PRIMA1: variants seen among roughly 807,000 people sequenced by gnomAD.
The protein encoded by PRIMA1 is proline-rich membrane anchor 1.
PRIMA1 carries 7 observed loss-of-function variants against 17.5 expected under a neutral mutation model. The observed-to-expected ratio is 0.40, with a 90% CI of 0.23 to 0.75. PRIMA1 has a LOEUF of 0.75. Ranked by LOEUF, PRIMA1 falls within the 30% of genes least tolerant of loss-of-function variation. The pLI is 0.37. For missense variants in PRIMA1, 200 were observed against 201.8 expected (o/e 0.99, Z 0.05); for synonymous variants, 97 against 77.9 (o/e 1.25, Z -1.29).
At chr14:93,743,770 T>C (rs1238138792) in intron 3 of PRIMA1, among the ~76,000 whole-genome samples, 1 of 152,210 alleles carries the variant, frequency 6.6e-6, no homozygotes, top group Non-Finnish European at 1.5e-5. Context: ...GACAGTCTCA[T>C]GGCACCGCTG....
chr14:93,737,156 T>C, intron 4 of PRIMA1, 85 bp downstream of exon 4: 1 of 1,327,144 alleles, frequency 7.5e-7, no homozygotes, highest in South Asian at 1.4e-5. Flanking sequence ...TAATTTAAAA[T>C]AATGATACGG....
At chr14:93,743,659 GCACCTGGGCTGGGAGTTGTTTCTCTGT>G (rs2076197788) in intron 3 of PRIMA1, among the ~76,000 whole-genome samples, 1 of 152,256 alleles carries the variant, frequency 6.6e-6, no homozygotes, top group Non-Finnish European at 1.5e-5. Context: ...GAAGGCAGAA[GCACCTGGGCTGGGAGTTGTTTCTCTGT>G]CTTAAAACCA....
chr14:93,752,792 C>G (rs922159058), intron 3 of PRIMA1, among the ~76,000 whole-genome samples: 18 of 152,200 alleles, frequency 1.2e-4, no homozygotes, highest in African/African-American at 3.9e-4. Context: ...GCACTGTCAT[C>G]GAAGCCCTTT....
intron 3 of PRIMA1, among the ~76,000 whole-genome samples, chr14:93,742,967 C>A (rs540964875): frequency 6.6e-6 from 1 of 152,194 alleles, no homozygotes; most frequent in East Asian, 1.9e-4. Flanking sequence ...AGAAGCTGCA[C>A]ACAGGAGGTG....
chr14:93,722,035 GGTGGTGGTAGTGGTGATGCTGGTGGTA>G (rs2141147541), intron 4 of PRIMA1, among the ~76,000 whole-genome samples: 1 of 59,926 alleles, frequency 1.7e-5, no homozygotes, highest in South Asian at 4.8e-4. Flanking sequence ...GTAATGGGGT[GGTGGTGGTAGTGGTGATGCTGGTGGTA>G]ATGGGGTGAT....
intron 4 of PRIMA1, among the ~76,000 whole-genome samples, chr14:93,728,583 A>T (rs966234433): frequency 6.6e-6 from 1 of 152,000 alleles, no homozygotes; most frequent in Non-Finnish European, 1.5e-5. Flanking sequence ...TCACCTGAAG[A>T]CTTCTTAAAT....
At chr14:93,775,835 T>A (rs2141190997) in intron 3 of PRIMA1, among the ~76,000 whole-genome samples, 2 of 152,340 alleles carry the variant, frequency 1.3e-5, no homozygotes, top group Non-Finnish European at 2.9e-5. Flanking sequence ...CTATTCGGAT[T>A]TTCCTTTGGG....
intron 4 of PRIMA1, among the ~76,000 whole-genome samples, chr14:93,722,101 GGGT>G (rs1374797888): frequency 3.3e-5 from 1 of 30,204 alleles, no homozygotes; most frequent in African/African-American, 1.2e-4. Context: ...GGTGGTAATG[GGGT>G]GGTGGTGGTA....
chr14:93,748,400 G>A (rs886886709), intron 3 of PRIMA1, among the ~76,000 whole-genome samples: 1 of 152,194 alleles, frequency 6.6e-6, no homozygotes, highest in Non-Finnish European at 1.5e-5. Flanking sequence ...AGACGCTTTG[G>A]GGGACTGGAG....
At chr14:93,787,830 G>A in intron 1 of PRIMA1, 81 bp from the exon 2 acceptor site, 10 of 1,457,194 alleles carry the variant, frequency 6.9e-6, no homozygotes, top group South Asian at 1.4e-5. Flanking sequence ...CTCCCAGCCC[G>A]GGTCGGACGG....
intron 1 of PRIMA1, among the ~76,000 whole-genome samples, chr14:93,788,115 G>A (rs1167727627): frequency 6.6e-6 from 1 of 151,874 alleles, no homozygotes; most frequent in African/African-American, 2.4e-5. Flanking sequence ...CAAACCCGGC[G>A]GGCACTACTC....
Position 93,737,233 on chromosome 14 carries a change from G to A in PRIMA1, c.359+8C>T. 1.2e-6 allele frequency: 2 copies of A among 1,614,044 alleles called. No individual in the cohort carries two copies. Among genetic ancestry groups the A allele is most frequent in the South Asian group, 1.1e-5 (1 of 91,060 alleles). ...GCTTGAAGCTGGGTGCAGTGAGTGA[G>A]CACTCACCTTTTTATGGCTTTGTAG... is the stretch of plus-strand genomic sequence containing the variant. On this transcript the variant is annotated splice_region_variant and intron_variant, in intron 4 of 4. Coordinates refer to ENST00000393140, the MANE Select transcript of PRIMA1 (RefSeq NM_178013.4).
At chr14:93,758,626 A>G (rs1477729960) in intron 3 of PRIMA1, among the ~76,000 whole-genome samples, 1 of 151,826 alleles carries the variant, frequency 6.6e-6, no homozygotes, top group Non-Finnish European at 1.5e-5. Flanking sequence ...AAAGAAAAAG[A>G]AAAAGAAATA....
chr14:93,747,448 C>A (rs1030607599), intron 3 of PRIMA1, among the ~76,000 whole-genome samples: 1 of 152,122 alleles, frequency 6.6e-6, no homozygotes, highest in African/African-American at 2.4e-5. Context: ...GCACAACTCG[C>A]GGTTCAAGTT....
chr14:93,757,543 A>G (rs554647361), intron 3 of PRIMA1, among the ~76,000 whole-genome samples: 1 of 151,614 alleles, frequency 6.6e-6, no homozygotes, highest in African/African-American at 2.4e-5. Context: ...GAAGGAGTCC[A>G]GGGTTCCGGC....
intron 4 of PRIMA1, among the ~76,000 whole-genome samples, chr14:93,736,503 G>A (rs1998900): frequency 0.63 from 96,085 of 152,100 alleles, 31,288 homozygotes; most frequent in Middle Eastern, 0.75. Flanking sequence ...GGGGCTCTGA[G>A]TTTGGGTTCT....
At position 93,726,855 on chromosome 14, in the gene PRIMA1, GCACACATACACATA is replaced by G. The variant is rs2076080690; in HGVS notation, c.360-5323_360-5310del. Reference sequence around the variant, plus strand: ...TACACACATGTCCCTACACACATATGCACACATACACATATGTGCACATGCATGCACACATACAT... The same window carrying G: ...TACACACATGTCCCTACACACATATGTGTGCACATGCATGCACACATACAT... On this transcript the variant is annotated intron_variant, in intron 4 of 4. Coordinates refer to ENST00000393140, the MANE Select transcript of PRIMA1 (RefSeq NM_178013.4). The surrounding 1 kb of genome is among the most constrained non-coding windows in gnomAD (Gnocchi z 4.2). 6.6e-6 allele frequency among the ~76,000 whole-genome samples: 1 copy of G among 151,960 alleles called. No homozygotes were observed. The highest frequency in any genetic ancestry group is 2.1e-4 in the South Asian group (1 of 4,808).
At chr14:93,765,071 A>C (rs1884848266) in intron 3 of PRIMA1, among the ~76,000 whole-genome samples, 1 of 150,354 alleles carries the variant, frequency 6.7e-6, no homozygotes, top group African/African-American at 2.5e-5. Flanking sequence ...AGTCCCCCCC[A>C]CTCCCCTTTT....
intron 3 of PRIMA1, among the ~76,000 whole-genome samples, chr14:93,745,159 T>A (rs967197236): frequency 3.3e-5 from 5 of 152,072 alleles, no homozygotes; most frequent in African/African-American, 1.2e-4. Context: ...TGGGCTTCGG[T>A]GGCCGGCAGC....
Sources: allele counts gnomAD v4.1 joint callset (sites outside exome capture counted in the v4.1 genomes callset), GRCh38; gene constraint gnomAD v4.1.1; non-coding constraint Gnocchi (gnomAD v3.1); transcripts MANE v1.5; gene names NCBI Gene and HGNC (gene_info 2026-07-23, HGNC 2026-07-21).